Variants in DIAPH2 observed in about 807,000 individuals in gnomAD.
The protein encoded by DIAPH2 is protein diaphanous homolog 2.
A neutral mutation model predicts 92.7 loss-of-function variants in DIAPH2; 35 were observed. The ratio of observed to expected loss-of-function variants is 0.38; its 90% confidence interval spans 0.29 to 0.50. The LOEUF (loss-of-function observed/expected upper bound fraction) is 0.50, where lower values mean the gene tolerates loss of function less well. Among genes scored for constraint, DIAPH2 ranks in the 20% least tolerant of loss-of-function variants. DIAPH2 has a pLI of 0.94. For missense variants in DIAPH2, 701 were observed against 819.5 expected, an observed-to-expected ratio of 0.86 and a Z score of 1.77; for synonymous variants, 301 against 280.4, an observed-to-expected ratio of 1.07 and a Z score of -0.73.
chrX:97,045,748 A>G (rs2066477757), intron 17 of DIAPH2, among the ~76,000 whole-genome samples: 1 of 110,238 alleles, frequency 9.1e-6, no homozygotes, highest in Non-Finnish European at 1.9e-5. Flanking sequence ...GAGGTGAGAG[A>G]GTATAAGCAG....
At chrX:97,084,971 G>A (rs1465163787) in intron 19 of DIAPH2, among the ~76,000 whole-genome samples, 1 of 111,732 alleles carries the variant, frequency 8.9e-6, no homozygotes, top group African/African-American at 3.3e-5. Context: ...AATTATTCAT[G>A]TCTTTGGTGT....
chrX:97,032,392 T>C (rs1182858818), intron 17 of DIAPH2, among the ~76,000 whole-genome samples: 1 of 111,593 alleles, frequency 9.0e-6, no homozygotes, highest in Non-Finnish European at 1.9e-5. Flanking sequence ...AGGGCTATTA[T>C]TTTACATTAC....
At chrX:96,877,835 T>G (rs1202336536) in intron 4 of DIAPH2, among the ~76,000 whole-genome samples, 1 of 112,494 alleles carries the variant, frequency 8.9e-6, no homozygotes, top group Non-Finnish European at 1.9e-5. Context: ...CCAGTCACAT[T>G]GACTAGTATC....
At chrX:97,069,621 G>A (rs1392747764) in intron 17 of DIAPH2, among the ~76,000 whole-genome samples, 3 of 111,505 alleles carry the variant, frequency 2.7e-5, no homozygotes, top group African/African-American at 6.5e-5. Flanking sequence ...TTCATAGTAG[G>A]TGCTCAAGAA....
intron 5 of DIAPH2, among the ~76,000 whole-genome samples, chrX:96,886,228 C>T (rs753822130): frequency 3.6e-5 from 4 of 110,023 alleles, no homozygotes; most frequent in Non-Finnish European, 7.6e-5. Context: ...GTTACCTATA[C>T]ACTAAAGATG....
chrX:97,204,296 C>T lies in DIAPH2; in HGVS notation c.2720-43419C>T, dbSNP rs184106922. 5.4e-5 allele frequency among the ~76,000 whole-genome samples: 6 copies of T among 111,595 alleles called. No homozygotes were observed. In the East Asian group the frequency reaches 1.7e-3, roughly 31 times the overall value. ...GATGGCCTCTCTCACCACTCCTATTCGACATAGTATTGGAAGTTCTGGCCA... is the reference window on the plus strand; with the variant it reads ...GATGGCCTCTCTCACCACTCCTATTTGACATAGTATTGGAAGTTCTGGCCA... On this transcript the variant is annotated intron_variant, in intron 22 of 26. Transcript: ENST00000324765.
chrX:97,179,399 C>A (rs1302058949), intron 22 of DIAPH2, among the ~76,000 whole-genome samples: 1 of 110,097 alleles, frequency 9.1e-6, no homozygotes, highest in Non-Finnish European at 1.9e-5. Context: ...TGTGATGTTC[C>A]CCTCCCTGTG....
At chrX:97,041,524 C>T in intron 17 of DIAPH2, among the ~76,000 whole-genome samples, 1 of 110,840 alleles carries the variant, frequency 9.0e-6, no homozygotes, top group Non-Finnish European at 1.9e-5. Flanking sequence ...CAGCGGTATT[C>T]AAAAAAAGCA....
At chrX:96,834,105 T>C (rs1021448215) in intron 4 of DIAPH2, among the ~76,000 whole-genome samples, 1 of 112,193 alleles carries the variant, frequency 8.9e-6, no homozygotes, top group Non-Finnish European at 1.9e-5. Flanking sequence ...ACATAAGTAT[T>C]ATTTATTGAA....
intron 16 of DIAPH2, 83 bp downstream of exon 16, chrX:96,958,231 G>A (rs1255212106): frequency 3.0e-5 from 31 of 1,018,091 alleles, no homozygotes; most frequent in Non-Finnish European, 3.9e-5. Flanking sequence ...ATGTTTGAGA[G>A]TATGACTGCT....
At chrX:97,420,760 C>T (rs2070000442) in intron 25 of DIAPH2, among the ~76,000 whole-genome samples, 1 of 112,066 alleles carries the variant, frequency 8.9e-6, no homozygotes, top group Admixed American at 9.5e-5. Context: ...TACACTGCCC[C>T]TAGCTCATCC....
chrX:97,160,659 T>G (rs2067362688), intron 22 of DIAPH2, among the ~76,000 whole-genome samples: 1 of 111,809 alleles, frequency 8.9e-6, no homozygotes, highest in African/African-American at 3.3e-5. Flanking sequence ...TTAGTTACTT[T>G]GGAATAAAAA....
chrX:97,336,350 G>A (rs1369087613), intron 23 of DIAPH2, among the ~76,000 whole-genome samples: 6 of 106,803 alleles, frequency 5.6e-5, no homozygotes, highest in African/African-American at 2.0e-4. Flanking sequence ...GTTCACGCCG[G>A]TTCTCCTGCC....
At chrX:96,919,216 G>A (rs1215882256) in intron 9 of DIAPH2, among the ~76,000 whole-genome samples, 1 of 112,111 alleles carries the variant, frequency 8.9e-6, no homozygotes, top group Non-Finnish European at 1.9e-5. Context: ...ATATTTATTG[G>A]CTGAACTTAT....
At chrX:96,859,534 A>G (rs1479420473) in intron 4 of DIAPH2, among the ~76,000 whole-genome samples, 1 of 111,056 alleles carries the variant, frequency 9.0e-6, no homozygotes, top group African/African-American at 3.3e-5. Flanking sequence ...TCACATTTTT[A>G]AAAAAGGGAG....
At chrX:96,762,951 A>T in intron 4 of DIAPH2, 1 of 261,424 alleles carries the variant, frequency 3.8e-6, no homozygotes, top group Non-Finnish European at 6.3e-6. Flanking sequence ...TTTAGCCTGT[A>T]TATCTAAAGT....
chrX:96,753,257 A>G (rs1021925267), intron 3 of DIAPH2, among the ~76,000 whole-genome samples: 3 of 112,175 alleles, frequency 2.7e-5, no homozygotes, highest in African/African-American at 9.7e-5. Flanking sequence ...CAATAGAGAC[A>G]TAGCCCAGCA....
At chrX:97,074,183 G>A (rs1471312919) in intron 18 of DIAPH2, among the ~76,000 whole-genome samples, 1 of 111,645 alleles carries the variant, frequency 9.0e-6, no homozygotes, top group African/African-American at 3.3e-5. Context: ...GAGGCAGGTG[G>A]ATCACCTGAG....
chrX:97,037,443 G>C (rs1443608866), intron 17 of DIAPH2, among the ~76,000 whole-genome samples: 1 of 111,497 alleles, frequency 9.0e-6, no homozygotes, highest in Non-Finnish European at 1.9e-5. Context: ...TGCCTTGGGG[G>C]ATATTTTCAT....
Sources: allele counts gnomAD v4.1 joint callset (sites outside exome capture counted in the v4.1 genomes callset), GRCh38; gene constraint gnomAD v4.1.1; transcripts MANE v1.5; gene names NCBI Gene and HGNC (gene_info 2026-07-23, HGNC 2026-07-21).